The following SUSD6 variants were observed in gnomAD, a reference collection of about 807,000 sequenced individuals.
SUSD6 encodes sushi domain containing 6.
A neutral mutation model predicts 28.4 loss-of-function variants in SUSD6; 16 were observed. The observed-to-expected ratio is 0.56, with a 90% CI of 0.38 to 0.86. The LOEUF (loss-of-function observed/expected upper bound fraction) is 0.86, where lower values mean the gene tolerates loss of function less well. Among genes scored for constraint, SUSD6 ranks in the 40% least tolerant of loss-of-function variants. SUSD6 has a pLI of 0.00. For missense variants in SUSD6, 341 were observed against 384.2 expected (o/e 0.89, Z 0.94); for synonymous variants, 147 against 159.6 (o/e 0.92, Z 0.59).
chr14:69,612,466 T>A (rs1884893939), intron 1 of SUSD6, among the ~76,000 whole-genome samples: 1 of 152,208 alleles, frequency 6.6e-6, no homozygotes, highest in Admixed American at 6.5e-5. Context: ...TTTCCTTTTT[T>A]CGCTTGGTTT....
At chr14:69,708,196 A>G (rs1656715074) in intron 4 of SUSD6, among the ~76,000 whole-genome samples, 1 of 152,242 alleles carries the variant, frequency 6.6e-6, no homozygotes, top group South Asian at 2.1e-4. Flanking sequence ...CACATACCAT[A>G]CAGTGTACCT....
In SUSD6 at chr14:69,612,012, G is replaced by A. The variant is rs1411003002; in HGVS notation, c.-81+184G>A. 7.4e-5 allele frequency among the ~76,000 whole-genome samples: 11 copies of A among 149,044 alleles called. No individual in the cohort carries two copies. The South Asian group carries it at 2.1e-3, about 28-fold the overall frequency. ...GCCCGCTGTCACCCGGCCGCGAGCCGCGCCGCTGGGAGCCCCGCGCTGGCG... is the reference window on the plus strand; with the variant it reads ...GCCCGCTGTCACCCGGCCGCGAGCCACGCCGCTGGGAGCCCCGCGCTGGCG... On this transcript the variant is annotated intron_variant, in intron 1 of 5. Coordinates refer to ENST00000342745, the MANE Select transcript of SUSD6 (RefSeq NM_014734.4).
In SUSD6 at chr14:69,636,932, G is replaced by A. The variant is rs560231744; in HGVS notation, c.-80-21581G>A. Among the ~76,000 whole-genome samples, 10 of 152,332 alleles carry A rather than the reference G, an allele frequency of 6.6e-5. No homozygotes were observed. The East Asian group carries it at 1.9e-3, about 29-fold the overall frequency. Reference sequence around the variant, plus strand: ...TTCTCTCAAGAAGTCATGATCATTTGATAGGCCTCAGTTTTCCTCTCCTAA... The same window carrying A: ...TTCTCTCAAGAAGTCATGATCATTTAATAGGCCTCAGTTTTCCTCTCCTAA... On this transcript the variant is annotated intron_variant, in intron 1 of 5. Transcript: ENST00000342745.
intron 1 of SUSD6, chr14:69,617,196 C>CA (rs1402386893): frequency 6.6e-5 from 10 of 152,172 alleles, no homozygotes; most frequent in African/African-American, 2.4e-4. Flanking sequence ...AGCTGATGGA[C>CA]AGTTGGGTTG....
At chr14:69,633,422 C>T (rs922130891) in intron 1 of SUSD6, among the ~76,000 whole-genome samples, 1 of 152,242 alleles carries the variant, frequency 6.6e-6, no homozygotes, top group African/African-American at 2.4e-5. Flanking sequence ...TACCCTGCCA[C>T]CCGCTATCTA....
chr14:69,658,101 C>T (rs1436647692), intron 1 of SUSD6, among the ~76,000 whole-genome samples: 1 of 152,226 alleles, frequency 6.6e-6, no homozygotes, highest in Non-Finnish European at 1.5e-5. Flanking sequence ...CTTTACGACA[C>T]GTGTTCTCTC....
chr14:69,619,696 G>T (rs1391041757), intron 1 of SUSD6, among the ~76,000 whole-genome samples: 1 of 152,074 alleles, frequency 6.6e-6, no homozygotes, highest in African/African-American at 2.4e-5. Context: ...GCTTGAGCTT[G>T]GGAAGTCAAG....
At chr14:69,651,940 A>G (rs1349460181) in intron 1 of SUSD6, among the ~76,000 whole-genome samples, 3 of 152,206 alleles carry the variant, frequency 2.0e-5, no homozygotes, top group Non-Finnish European at 4.4e-5. Flanking sequence ...CTGAAATGTA[A>G]TTAGCGGGTT....
At chr14:69,625,734 C>T (rs74060234) in intron 1 of SUSD6, among the ~76,000 whole-genome samples, 1,814 of 152,230 alleles carry the variant, frequency 0.012, 48 homozygotes, top group African/African-American at 0.041. Context: ...CTCTCCGCCT[C>T]CTGGTCTTGT....
At chr14:69,694,268 AGCTGCT>A (rs1886192367) in intron 2 of SUSD6, among the ~76,000 whole-genome samples, 1 of 152,252 alleles carries the variant, frequency 6.6e-6, no homozygotes, top group Non-Finnish European at 1.5e-5. Flanking sequence ...GGAATAATAA[AGCTGCT>A]GTTATTGAAC....
intron 1 of SUSD6, among the ~76,000 whole-genome samples, chr14:69,646,904 T>C (rs988382285): frequency 7.9e-5 from 12 of 152,090 alleles, no homozygotes; most frequent in African/African-American, 9.7e-5. Context: ...GGTTTCACCA[T>C]GTTAGCCAGG....
At chr14:69,633,189 A>G (rs1885219375) in intron 1 of SUSD6, among the ~76,000 whole-genome samples, 1 of 152,166 alleles carries the variant, frequency 6.6e-6, no homozygotes. Context: ...ACTTCCCACT[A>G]CTTACTGATC....
At chr14:69,657,441 C>G (rs1885599314) in intron 1 of SUSD6, among the ~76,000 whole-genome samples, 1 of 148,658 alleles carries the variant, frequency 6.7e-6, no homozygotes, top group African/African-American at 2.5e-5. Flanking sequence ...GGCAACAGAG[C>G]AAGACTGTGT....
intron 1 of SUSD6, among the ~76,000 whole-genome samples, chr14:69,653,552 T>C (rs1200958101): frequency 6.6e-6 from 1 of 152,124 alleles, no homozygotes; most frequent in Admixed American, 6.6e-5. Flanking sequence ...AGATGTGATA[T>C]TCCTTGTGAG....
chr14:69,702,937 C>A (rs1008778597), intron 2 of SUSD6, among the ~76,000 whole-genome samples: 1 of 152,152 alleles, frequency 6.6e-6, no homozygotes, highest in African/African-American at 2.4e-5. Flanking sequence ...TATCAGAAAT[C>A]CCCTCTCAGG....
intron 2 of SUSD6, among the ~76,000 whole-genome samples, chr14:69,679,695 G>A (rs978089778): frequency 6.6e-6 from 1 of 151,970 alleles, no homozygotes; most frequent in Non-Finnish European, 1.5e-5. Flanking sequence ...GACACCCCTG[G>A]TGTAAAGGAA....
intron 1 of SUSD6, among the ~76,000 whole-genome samples, chr14:69,658,030 C>A (rs1885610230): frequency 1.3e-5 from 2 of 152,250 alleles, no homozygotes; most frequent in South Asian, 4.1e-4. Flanking sequence ...GGCAGTTTAG[C>A]AAGCAGGCTG....
In SUSD6 at chr14:69,713,127, T is replaced by G. The variant is rs1886492072; in HGVS notation, c.*2148T>G. The G allele has an allele frequency of 6.6e-6, 1 of 152,362 alleles. No homozygotes were observed. The highest frequency in any genetic ancestry group is 1.5e-5 in the Non-Finnish European group (1 of 68,032). 9.4% of individuals were successfully genotyped at this position (152,362 alleles called of 1,614,324 possible). The stretch of plus-strand genomic sequence containing the variant: ...AGAATGGTTTTTAAAATGGAAGATC[T>G]TACCTTTTTCTATCTTGTTACTCTG... On this transcript the variant is annotated 3_prime_UTR_variant, in exon 6 of 6. Transcript: ENST00000342745.
rs1886506396 is a variant in SUSD6, at chr14:69,713,842, T to A, written c.*2863T>A. ...TTGTTTGTTGTTGGTGTTTGTTTTT[T>A]TTTTTTTTTTTTTGGCACACTTGAG... On this transcript the variant is annotated 3_prime_UTR_variant, in exon 6 of 6. Coordinates refer to ENST00000342745, the MANE Select transcript of SUSD6 (RefSeq NM_014734.4). The A allele has an allele frequency of 6.6e-6, 1 of 150,710 alleles. No individual in the cohort carries two copies. Among genetic ancestry groups the A allele is most frequent in the Non-Finnish European group, 1.5e-5 (1 of 67,604 alleles). 9.3% of individuals were successfully genotyped at this position (150,710 alleles called of 1,614,324 possible). A position where few individuals can be genotyped will look rare whatever the true frequency, so the allele number is the denominator to read the frequency against.
Sources: allele counts gnomAD v4.1 joint callset (sites outside exome capture counted in the v4.1 genomes callset), GRCh38; gene constraint gnomAD v4.1.1; transcripts MANE v1.5; gene names NCBI Gene and HGNC (gene_info 2026-07-23, HGNC 2026-07-21).